Variants in MACROD2 observed in about 807,000 individuals in gnomAD.
MACROD2 encodes the protein ADP-ribose glycohydrolase MACROD2.
In MACROD2, 36 loss-of-function variants were observed where a neutral mutation model predicts 70.4. The observed-to-expected ratio is 0.51, with a 90% CI of 0.39 to 0.68. The LOEUF (loss-of-function observed/expected upper bound fraction) is 0.68. MACROD2 is among the 30% of genes least tolerant of loss of function. The pLI is 0.00. For missense variants in MACROD2, 496 were observed against 538.4 expected, an observed-to-expected ratio of 0.92 and a Z score of 0.78; for synonymous variants, 172 against 178.8, an observed-to-expected ratio of 0.96 and a Z score of 0.30.
At chr20:14,259,938 T>C (rs991295614) in intron 3 of MACROD2, among the ~76,000 whole-genome samples, 2 of 152,150 alleles carry the variant, frequency 1.3e-5, no homozygotes, top group Non-Finnish European at 2.9e-5. Context: ...TGGAAACAGA[T>C]TGAAGTTCCT....
intron 8 of MACROD2, among the ~76,000 whole-genome samples, chr20:15,530,749 T>C (rs898966981): frequency 6.7e-6 from 1 of 150,328 alleles, no homozygotes; most frequent in African/African-American, 2.4e-5. Flanking sequence ...ACTATGAACA[T>C]TTTTACTTTC....
At chr20:14,240,179 A>G (rs1272330677) in intron 3 of MACROD2, among the ~76,000 whole-genome samples, 1 of 152,150 alleles carries the variant, frequency 6.6e-6, no homozygotes, top group Non-Finnish European at 1.5e-5. Context: ...TTAAAAAGTC[A>G]AAAAAATAAC....
intron 3 of MACROD2, among the ~76,000 whole-genome samples, chr20:14,322,079 T>A (rs1272761067): frequency 6.7e-6 from 1 of 149,154 alleles, no homozygotes; most frequent in African/African-American, 2.4e-5. Context: ...TGGAATTTAG[T>A]CTTATTAATA....
chr20:14,358,748 G>A (rs367702990), intron 3 of MACROD2, among the ~76,000 whole-genome samples: 2 of 152,078 alleles, frequency 1.3e-5, no homozygotes, highest in African/African-American at 2.4e-5. Flanking sequence ...GAGCCACTGC[G>A]CTTGTCCACC....
chr20:14,512,880 G>C (rs1191916321), intron 4 of MACROD2, among the ~76,000 whole-genome samples: 1 of 152,076 alleles, frequency 6.6e-6, no homozygotes, highest in Non-Finnish European at 1.5e-5. Context: ...AGAGCCCTAA[G>C]TTGTTGTGCC....
At chr20:14,030,013 A>T (rs1601134014) in intron 2 of MACROD2, among the ~76,000 whole-genome samples, 1 of 152,202 alleles carries the variant, frequency 6.6e-6, no homozygotes, top group African/African-American at 2.4e-5. Flanking sequence ...AAGAAATAGT[A>T]CTTTTTTTCC....
At chr20:15,443,342 T>A (rs2146378755) in intron 7 of MACROD2, among the ~76,000 whole-genome samples, 1 of 152,238 alleles carries the variant, frequency 6.6e-6, no homozygotes. Context: ...TGAATATGAA[T>A]CTAAATCTCC....
chr20:14,933,941 A>G (rs1204346433), intron 5 of MACROD2: 2 of 152,196 alleles, frequency 1.3e-5, no homozygotes, highest in Non-Finnish European at 2.9e-5. Flanking sequence ...AATCATCATT[A>G]CCTATGAGAA....
intron 15 of MACROD2, among the ~76,000 whole-genome samples, chr20:16,007,682 G>T (rs183614172): frequency 2.7e-4 from 41 of 152,198 alleles, no homozygotes; most frequent in Non-Finnish European, 5.1e-4. Flanking sequence ...AGGGTATGAG[G>T]AGTAAAATAT....
chr20:15,599,196 A>G (rs987332355), intron 8 of MACROD2, among the ~76,000 whole-genome samples: 1 of 151,868 alleles, frequency 6.6e-6, no homozygotes, highest in African/African-American at 2.4e-5. Context: ...CCTGGCCAAC[A>G]TGGTGAAACC....
chr20:14,026,857 C>T (rs1490196869), intron 2 of MACROD2, among the ~76,000 whole-genome samples: 3 of 152,100 alleles, frequency 2.0e-5, no homozygotes, highest in South Asian at 2.1e-4. Context: ...GGGGAAGGGG[C>T]GGCTGTGAGT....
chr20:15,074,246 C>T (rs568289728), intron 5 of MACROD2, among the ~76,000 whole-genome samples: 3 of 152,270 alleles, frequency 2.0e-5, no homozygotes, highest in South Asian at 2.1e-4. Context: ...CCATCCTCAA[C>T]CTCTGGGGAG....
intron 5 of MACROD2, among the ~76,000 whole-genome samples, chr20:14,723,232 G>A (rs112520299): frequency 8.6e-4 from 131 of 152,206 alleles, no homozygotes; most frequent in African/African-American, 3.0e-3. Flanking sequence ...TTTGGCACGC[G>A]TTAGCTGGGC....
intron 5 of MACROD2, among the ~76,000 whole-genome samples, chr20:14,955,322 A>G (rs1018493915): frequency 2.1e-5 from 3 of 144,410 alleles, no homozygotes; most frequent in African/African-American, 7.6e-5. Context: ...TATATAATTT[A>G]TATAACATAT....
At chr20:15,168,725 T>A (rs961524303) in intron 5 of MACROD2, among the ~76,000 whole-genome samples, 1 of 152,094 alleles carries the variant, frequency 6.6e-6, no homozygotes, top group African/African-American at 2.4e-5. Flanking sequence ...TGAGTTCCTG[T>A]AGTCCCAGAT....
chr20:15,311,159 T>C (rs190491162), intron 6 of MACROD2, among the ~76,000 whole-genome samples: 40 of 152,236 alleles, frequency 2.6e-4, no homozygotes, highest in African/African-American at 9.6e-4. Flanking sequence ...ATGCATATTT[T>C]AGGATCCATG....
At chr20:14,104,762 G>T (rs1303335338) in intron 3 of MACROD2, among the ~76,000 whole-genome samples, 1 of 152,104 alleles carries the variant, frequency 6.6e-6, no homozygotes, top group Non-Finnish European at 1.5e-5. Context: ...CTTTTCATTT[G>T]GACTGAGCCA....
At chr20:15,993,756 A>G (rs2066590965) in intron 15 of MACROD2, among the ~76,000 whole-genome samples, 2 of 152,220 alleles carry the variant, frequency 1.3e-5, no homozygotes, top group African/African-American at 4.8e-5. Flanking sequence ...GGCTAATATC[A>G]TACAGGACAA....
At chr20:15,856,496 C>T (rs953477159) in intron 8 of MACROD2, among the ~76,000 whole-genome samples, 11 of 152,226 alleles carry the variant, frequency 7.2e-5, no homozygotes, top group East Asian at 1.9e-4. Flanking sequence ...GAAAGTCCTC[C>T]GAAATATCTT....
Sources: allele counts gnomAD v4.1 joint callset (sites outside exome capture counted in the v4.1 genomes callset), GRCh38; gene constraint gnomAD v4.1.1; transcripts MANE v1.5; gene names NCBI Gene and HGNC (gene_info 2026-07-23, HGNC 2026-07-21).